The following CDYL2 variants were observed in gnomAD, a reference collection of about 807,000 sequenced individuals.
CDYL2 encodes chromodomain Y-like protein 2.
CDYL2 carries 23 observed loss-of-function variants against 49.4 expected under a neutral mutation model. That is an observed-to-expected ratio of 0.47 (90% CI 0.34 to 0.66). The LOEUF (loss-of-function observed/expected upper bound fraction) is 0.66, where lower values mean the gene tolerates loss of function less well. CDYL2 is among the 30% of genes least tolerant of loss of function. CDYL2 has a pLI of 0.01. For missense variants in CDYL2, 678 were observed against 656.4 expected (o/e 1.03, Z -0.36); for synonymous variants, 360 against 268.8 (o/e 1.34, Z -3.32).
At position 80,728,148 on chromosome 16, in the gene CDYL2, C is replaced by T. The variant is rs1176479750; in HGVS notation, c.25-43019G>A. On this transcript the variant is annotated intron_variant, in intron 1 of 6. Transcript: ENST00000570137. ...AAGAAGGCTTCAGACGATCAAACTA[C>T]AAGCTACAGGAGGAAATTCAAACCA... Among the ~76,000 whole-genome samples, 4 of 152,024 alleles carry T rather than the reference C, an allele frequency of 2.6e-5. No individual in the cohort carries two copies. In the South Asian group the frequency reaches 8.3e-4, roughly 32 times the overall value.
intron 5 of CDYL2, among the ~76,000 whole-genome samples, chr16:80,610,015 G>A (rs2142362351): frequency 6.6e-6 from 1 of 152,250 alleles, no homozygotes; most frequent in Non-Finnish European, 1.5e-5. Flanking sequence ...ACAGAGGCAA[G>A]GTTAACTGAG....
At chr16:80,605,992 T>G (rs191013082) in intron 6 of CDYL2, among the ~76,000 whole-genome samples, 1 of 152,374 alleles carries the variant, frequency 6.6e-6, no homozygotes, top group Admixed American at 6.5e-5. Context: ...ACGCTGCTGC[T>G]GCCGCCCTCT....
At position 80,633,164 on chromosome 16, in the gene CDYL2, T is replaced by C. The variant is rs1597136852; in HGVS notation, c.689A>G (p.Tyr230Cys). Residue 230 changes from tyrosine (Y) to cysteine (C), a missense_variant, in exon 3 of 7, where the codon TAC (tyrosine) becomes TGC (cysteine). By Grantham distance (194) the Tyr-to-Cys change is radical (BLOSUM62 -2). Coordinates refer to ENST00000570137, the MANE Select transcript of CDYL2 (RefSeq NM_152342.4). The part of the protein sequence containing the change: ...VKRKLEAEKD[Y>C]VFDKRLRYSV... ...GTATCTGAGCCTTTTGTCAAAGACG[T>C]AGTCCTTCTCCGCTTCCAGCTTCCT... The C allele has an allele frequency of 1.2e-6, 2 of 1,614,244 alleles. No individual in the cohort carries two copies. The highest frequency in any genetic ancestry group is 1.1e-5 in the South Asian group (1 of 91,088).
intron 1 of CDYL2, among the ~76,000 whole-genome samples, chr16:80,696,261 A>C (rs1393183725): frequency 6.6e-6 from 1 of 152,220 alleles, no homozygotes; most frequent in Non-Finnish European, 1.5e-5. Flanking sequence ...CTAAGAGAGA[A>C]GGTAATAGCA....
rs757064630 is a variant in CDYL2 at position 80,740,116 on chromosome 16, C to G, written c.25-54987G>C. The stretch of plus-strand genomic sequence containing the variant: ...ACTCAGAAAAAGAGGCTGACTAAAT[C>G]GGGCAGGATTGACAACCACATGGAC... On this transcript the variant is annotated intron_variant, in intron 1 of 6. Coordinates refer to ENST00000570137, the MANE Select transcript of CDYL2 (RefSeq NM_152342.4). 2.6e-5 allele frequency among the ~76,000 whole-genome samples: 4 copies of G among 152,142 alleles called. No homozygotes were observed. The South Asian group carries it at 8.3e-4, about 32-fold the overall frequency.
At chr16:80,756,602 A>G (rs1424504565) in intron 1 of CDYL2, among the ~76,000 whole-genome samples, 1 of 152,164 alleles carries the variant, frequency 6.6e-6, no homozygotes, top group Admixed American at 6.5e-5. Context: ...CTGAAGCATT[A>G]TAAAATGTTT....
chr16:80,737,503 T>C (rs1157562326), intron 1 of CDYL2, among the ~76,000 whole-genome samples: 1 of 152,212 alleles, frequency 6.6e-6, no homozygotes, highest in East Asian at 1.9e-4. Context: ...TGTATTAAAC[T>C]GTACCTTGCT....
At chr16:80,665,631 G>C (rs750395862) in intron 2 of CDYL2, among the ~76,000 whole-genome samples, 9 of 152,106 alleles carry the variant, frequency 5.9e-5, no homozygotes, top group Admixed American at 3.9e-4. Context: ...CAGGAACTCA[G>C]GACAGACCCT....
intron 2 of CDYL2, among the ~76,000 whole-genome samples, chr16:80,644,228 C>A (rs893481113): frequency 1.3e-5 from 2 of 152,214 alleles, no homozygotes; most frequent in Non-Finnish European, 2.9e-5. Flanking sequence ...ACCTTTGCTC[C>A]AGTTCCCAAC....
intron 2 of CDYL2, among the ~76,000 whole-genome samples, chr16:80,676,854 G>A (rs560878782): frequency 3.9e-5 from 6 of 151,912 alleles, no homozygotes; most frequent in Non-Finnish European, 5.9e-5. Context: ...TAGAATGTGT[G>A]GTCAGATGAT....
intron 5 of CDYL2, among the ~76,000 whole-genome samples, chr16:80,610,514 A>C (rs1906547165): frequency 1.3e-5 from 2 of 152,212 alleles, no homozygotes; most frequent in Non-Finnish European, 2.9e-5. Context: ...ATTATCCAGA[A>C]GCCTAAGGAC....
In CDYL2 at chr16:80,647,738, T is replaced by C. The variant is rs1351799138; in HGVS notation, c.617-14502A>G. Among the ~76,000 whole-genome samples, 4 of 152,188 alleles carry C rather than the reference T, an allele frequency of 2.6e-5. No individual in the cohort carries two copies. The South Asian group carries it at 8.3e-4, about 31-fold the overall frequency. ...ATCCAATGGCTGCAGCATTCTCTTCTGTAGCACATGGATCATTCTCTAGGA... is the reference window on the plus strand; with the variant it reads ...ATCCAATGGCTGCAGCATTCTCTTCCGTAGCACATGGATCATTCTCTAGGA... On this transcript the variant is annotated intron_variant, in intron 2 of 6. Transcript: ENST00000570137.
intron 1 of CDYL2, among the ~76,000 whole-genome samples, chr16:80,720,029 G>A (rs1450767393): frequency 1.3e-5 from 2 of 152,178 alleles, no homozygotes; most frequent in Non-Finnish European, 2.9e-5. Context: ...CCTCTCCCAT[G>A]CCTTGACACT....
intron 1 of CDYL2, among the ~76,000 whole-genome samples, chr16:80,740,493 T>C (rs74030414): frequency 0.029 from 4,450 of 152,306 alleles, 216 homozygotes; most frequent in African/African-American, 0.099. Context: ...TTCAAAACCA[T>C]TATTTTTAAT....
intron 1 of CDYL2, among the ~76,000 whole-genome samples, chr16:80,730,300 G>A (rs925842226): frequency 3.3e-5 from 5 of 152,072 alleles, no homozygotes; most frequent in South Asian, 2.1e-4. Flanking sequence ...AATACAAACT[G>A]CCATTAGAGA....
intron 1 of CDYL2, among the ~76,000 whole-genome samples, chr16:80,759,017 T>A (rs957708669): frequency 4.7e-5 from 7 of 148,126 alleles, no homozygotes; most frequent in Non-Finnish European, 7.4e-5. Context: ...AATTGCTAAA[T>A]GGAAAACACA....
chr16:80,758,307 G>C (rs939709977), intron 1 of CDYL2, among the ~76,000 whole-genome samples: 3 of 150,844 alleles, frequency 2.0e-5, no homozygotes, highest in Non-Finnish European at 4.4e-5. Flanking sequence ...CTTACATATA[G>C]AAGTAATAAT....
intron 1 of CDYL2, among the ~76,000 whole-genome samples, chr16:80,718,010 T>C (rs1904868427): frequency 6.6e-6 from 1 of 152,178 alleles, no homozygotes; most frequent in Non-Finnish European, 1.5e-5. Context: ...GCTGGGTGCT[T>C]TCTCAAGCAG....
intron 2 of CDYL2, among the ~76,000 whole-genome samples, chr16:80,654,055 A>C (rs1168586077): frequency 6.6e-6 from 1 of 152,208 alleles, no homozygotes; most frequent in Non-Finnish European, 1.5e-5. Flanking sequence ...CTGCCAATGA[A>C]GTGAGTGACT....
Sources: gnomAD v4.1 joint callset for allele counts (sites outside exome capture counted in the v4.1 genomes callset) on GRCh38, gnomAD v4.1.1 for gene constraint, MANE v1.5 for transcripts, NCBI Gene and HGNC (gene_info 2026-07-23, HGNC 2026-07-21) for gene names.